The following WWOX variants were observed in gnomAD, a reference collection of about 807,000 sequenced individuals.
The protein encoded by WWOX is WW domain containing oxidoreductase, also known as WW domain-containing oxidoreductase.
A neutral mutation model predicts 46.2 loss-of-function variants in WWOX; 69 were observed. The ratio of observed to expected loss-of-function variants is 1.49; its 90% confidence interval spans 1.23 to 1.82. The LOEUF (loss-of-function observed/expected upper bound fraction) is 1.82, where lower values mean the gene tolerates loss of function less well. Among genes scored for constraint, WWOX ranks in the 40% most tolerant of loss-of-function variants. The probability of loss-of-function intolerance (pLI) is 0.00; values close to 1 mark genes in which losing one functional copy is unlikely to be tolerated. For missense variants in WWOX, 919 were observed against 542.6 expected (o/e 1.69, Z -6.89); for synonymous variants, 359 against 202.6 (o/e 1.77, Z -6.56).
chr16:79,116,221 G>A (rs937057549), intron 8 of WWOX, among the ~76,000 whole-genome samples: 4 of 152,124 alleles, frequency 2.6e-5, no homozygotes, highest in African/African-American at 9.7e-5. Flanking sequence ...CTGAAGGTTG[G>A]GGTGGCTGTG....
chr16:78,880,748 T>A (rs2044325825), intron 8 of WWOX, among the ~76,000 whole-genome samples: 1 of 152,150 alleles, frequency 6.6e-6, no homozygotes, highest in Admixed American at 6.6e-5. Flanking sequence ...AACACTACCT[T>A]TGGGAGAAGA....
intron 8 of WWOX, among the ~76,000 whole-genome samples, chr16:78,629,448 C>T (rs4888820): frequency 0.43 from 65,496 of 152,000 alleles, 16,312 homozygotes; most frequent in Middle Eastern, 0.58. Flanking sequence ...CAGGCAGAAG[C>T]TGGAGTCATT....
intron 5 of WWOX, among the ~76,000 whole-genome samples, chr16:78,352,666 C>G (rs2081209013): frequency 6.6e-6 from 1 of 152,200 alleles, no homozygotes; most frequent in African/African-American, 2.4e-5. Context: ...CATCTACAAC[C>G]TTAATTACCA....
intron 8 of WWOX, among the ~76,000 whole-genome samples, chr16:78,508,040 CTCTG>C (rs1167895647): frequency 6.6e-6 from 1 of 151,160 alleles, no homozygotes; most frequent in Non-Finnish European, 1.5e-5. Context: ...CGGAGTCTTG[CTCTG>C]TCACTCAGGC....
chr16:78,744,165 G>C (rs2049293565), intron 8 of WWOX, among the ~76,000 whole-genome samples: 1 of 152,076 alleles, frequency 6.6e-6, no homozygotes, highest in Non-Finnish European at 1.5e-5. Context: ...CAGATCAGAA[G>C]GTCCGTAAAG....
At chr16:79,098,113 C>A (rs148117259) in intron 8 of WWOX, among the ~76,000 whole-genome samples, 1 of 152,164 alleles carries the variant, frequency 6.6e-6, no homozygotes, top group Non-Finnish European at 1.5e-5. Context: ...TTGAGACGCT[C>A]TTTAGTCCAG....
chr16:79,061,238 A>G lies in WWOX; in HGVS notation c.1057-150370A>G, dbSNP rs180946945. Among the ~76,000 whole-genome samples, 36 of 152,328 alleles carry G rather than the reference A, an allele frequency of 2.4e-4. No homozygotes were observed. In the East Asian group the frequency reaches 4.8e-3, roughly 20 times the overall value. ...ATGTTAGGAAGGACTCTAAAGCCCT[A>G]TCTGGATTCCAAATTTATGGTTGGT... On this transcript the variant is annotated intron_variant, in intron 8 of 8. Coordinates refer to ENST00000566780, the MANE Select transcript of WWOX (RefSeq NM_016373.4).
At chr16:79,202,760 G>A (rs767767590) in intron 8 of WWOX, 3 of 152,162 alleles carry the variant, frequency 2.0e-5, no homozygotes, top group African/African-American at 4.8e-5. Flanking sequence ...AGCATGCATA[G>A]CTTGTTAGTA....
intron 8 of WWOX, among the ~76,000 whole-genome samples, chr16:78,985,794 A>G (rs2046773303): frequency 6.6e-6 from 1 of 152,108 alleles, no homozygotes; most frequent in Non-Finnish European, 1.5e-5. Context: ...ATAGGCACAG[A>G]CAATTTACCT....
intron 8 of WWOX, among the ~76,000 whole-genome samples, chr16:78,568,312 C>A (rs1456992414): frequency 6.6e-6 from 1 of 151,822 alleles, no homozygotes; most frequent in Non-Finnish European, 1.5e-5. Context: ...TTACTTTGTC[C>A]CTCCAAAAGC....
rs73573728 is a variant in WWOX, at chr16:78,759,261, G to A, written c.1056+326509G>A. Among the ~76,000 whole-genome samples, 152 of 152,240 alleles carry A rather than the reference G, an allele frequency of 1.0e-3. 1 individual carries two copies. In the East Asian group the frequency reaches 0.011, roughly 11 times the overall value. On this transcript the variant is annotated intron_variant, in intron 8 of 8. Coordinates refer to ENST00000566780, the MANE Select transcript of WWOX (RefSeq NM_016373.4). ...GTGAATGCCAAGATGTTTTGAAGGT[G>A]GGCATGGCAGGGAAATAACAGGATG...
intron 8 of WWOX, among the ~76,000 whole-genome samples, chr16:78,956,866 CAT>C (rs1251269232): frequency 6.6e-6 from 1 of 152,142 alleles, no homozygotes; most frequent in East Asian, 1.9e-4. Context: ...GTGTCTCAAA[CAT>C]GTAGGCTTGA....
chr16:78,435,481 A>C (rs2083314427), intron 8 of WWOX, among the ~76,000 whole-genome samples: 1 of 152,202 alleles, frequency 6.6e-6, no homozygotes, highest in South Asian at 2.1e-4. Context: ...TTAACTGCGC[A>C]CTGAGCTTTA....
chr16:78,175,166 C>T (rs953405280), intron 5 of WWOX, among the ~76,000 whole-genome samples: 3 of 151,956 alleles, frequency 2.0e-5, no homozygotes, highest in Admixed American at 1.3e-4. Flanking sequence ...GCTGGCCTTC[C>T]ACAGGTTCTG....
Position 78,350,329 on chromosome 16 carries a change from A to G in WWOX, c.517-36531A>G. 1.6e-5 allele frequency among the ~76,000 whole-genome samples: 2 copies of G among 121,652 alleles called. 1 individual carries two copies. The highest frequency in any genetic ancestry group is 3.9e-5 in the Non-Finnish European group (2 of 50,874). 79.8% of individuals were successfully genotyped at this position (121,652 alleles called of 152,430 possible). Reference sequence around the variant, plus strand: ...CATAAACTTTGCCCATTCAAAATGTACAATTCAGTGCTTTCAGTATATTCA... The same window carrying G: ...CATAAACTTTGCCCATTCAAAATGTGCAATTCAGTGCTTTCAGTATATTCA... On this transcript the variant is annotated intron_variant, in intron 5 of 8. Transcript: ENST00000566780.
intron 5 of WWOX, 97 bp from the exon 6 acceptor site, chr16:78,386,763 G>A (rs531780740): frequency 1.8e-6 from 2 of 1,083,746 alleles, no homozygotes; most frequent in East Asian, 4.7e-5. Context: ...TTAAACAGGG[G>A]AATTCCGACA....
At chr16:79,110,465 G>A (rs1215909466) in intron 8 of WWOX, among the ~76,000 whole-genome samples, 1 of 152,134 alleles carries the variant, frequency 6.6e-6, no homozygotes, top group Non-Finnish European at 1.5e-5. Flanking sequence ...GATAACAGCT[G>A]GAGCAGAGAA....
chr16:78,662,049 A>T (rs1185011068), intron 8 of WWOX, among the ~76,000 whole-genome samples: 1 of 152,094 alleles, frequency 6.6e-6, no homozygotes, highest in Non-Finnish European at 1.5e-5. Context: ...GTCTCAAAAT[A>T]ATGATAATAA....
chr16:78,699,273 C>T (rs992997875), intron 8 of WWOX, among the ~76,000 whole-genome samples: 1 of 152,106 alleles, frequency 6.6e-6, no homozygotes, highest in Non-Finnish European at 1.5e-5. Context: ...ATGGCTCACG[C>T]CTGTGATCCT....
Sources: gnomAD v4.1 joint callset for allele counts (sites outside exome capture counted in the v4.1 genomes callset) on GRCh38, gnomAD v4.1.1 for gene constraint, MANE v1.5 for transcripts, NCBI Gene and HGNC (gene_info 2026-07-23, HGNC 2026-07-21) for gene names.